Variants in MYBL2 observed in about 807,000 individuals in gnomAD.
MYBL2 encodes myb-related protein B.
A neutral mutation model predicts 79.9 loss-of-function variants in MYBL2; 28 were observed. The observed-to-expected ratio is 0.35, with a 90% CI of 0.26 to 0.48. MYBL2 has a LOEUF of 0.48. Ranked by LOEUF, MYBL2 falls within the 20% of genes least tolerant of loss-of-function variation. The pLI is 0.99. For missense variants in MYBL2, 735 were observed against 893.9 expected (o/e 0.82, Z 2.27); for synonymous variants, 378 against 361.2 (o/e 1.05, Z -0.53).
rs202064283 is a variant in MYBL2 at position 43,702,937 on chromosome 20, C to G, written c.1365+34C>G. 9.0e-6 allele frequency: 14 copies of G among 1,558,628 alleles called. No homozygotes were observed. The East Asian group carries it at 3.2e-4, about 35-fold the overall frequency. Reference sequence around the variant, plus strand: ...ACCCCACTCTGGCTGCTTATTGGGTCGGTACAGACACCTAGTGTTCAGTGC... The same window carrying G: ...ACCCCACTCTGGCTGCTTATTGGGTGGGTACAGACACCTAGTGTTCAGTGC... On this transcript the variant is annotated intron_variant, in intron 8 of 13. Coordinates refer to ENST00000217026, the MANE Select transcript of MYBL2 (RefSeq NM_002466.4).
chr20:43,692,330 T>C lies in MYBL2; in HGVS notation c.663+11T>C, dbSNP rs1987432851. 1 of 1,613,682 alleles carries C rather than the reference T, an allele frequency of 6.2e-7. No individual in the cohort carries two copies. Among genetic ancestry groups the C allele is most frequent in the South Asian group, 1.1e-5 (1 of 91,054 alleles). On this transcript the variant is annotated intron_variant, in intron 6 of 13. Transcript: ENST00000217026. The stretch of plus-strand genomic sequence containing the variant: ...CCCACGGAAGGCCAGGTGAGACAGC[T>C]GCTCAGCCTTTGGCTTGGTTTGATT...
intron 4 of MYBL2, among the ~76,000 whole-genome samples, chr20:43,684,496 A>G (rs534845627): frequency 7.0e-4 from 106 of 150,650 alleles, no homozygotes; most frequent in African/African-American, 2.5e-3. Context: ...CAGCCTCCCA[A>G]AGTGCTGGGA....
At chr20:43,705,119 G>T (rs1600562248) in intron 8 of MYBL2, 100 bp from the exon 9 acceptor site, 2 of 1,449,560 alleles carry the variant, frequency 1.4e-6, no homozygotes, top group East Asian at 2.3e-5. Context: ...CAGACGTTTT[G>T]GGGGAGAGGC....
chr20:43,692,360 A>T, intron 6 of MYBL2, 41 bp downstream of exon 6: 1 of 1,610,338 alleles, frequency 6.2e-7, no homozygotes, highest in Non-Finnish European at 8.5e-7. Context: ...TTGATTTCAC[A>T]TTCATCTGAC....
At chr20:43,705,619 C>G in intron 9 of MYBL2, among the ~76,000 whole-genome samples, 1 of 152,128 alleles carries the variant, frequency 6.6e-6, no homozygotes, top group South Asian at 2.1e-4. Context: ...GCCTCAGCCT[C>G]CTGAGTAGCT....
chr20:43,713,204 C>T (rs1600567790), intron 12 of MYBL2, 98 bp downstream of exon 12: 3 of 768,466 alleles, frequency 3.9e-6, no homozygotes, highest in Non-Finnish European at 6.3e-6. Flanking sequence ...GAACCCTGGG[C>T]TCTGCAGGGA....
At chr20:43,690,407 T>C (rs1449069166) in intron 5 of MYBL2, among the ~76,000 whole-genome samples, 1 of 152,090 alleles carries the variant, frequency 6.6e-6, no homozygotes, top group African/African-American at 2.4e-5. Context: ...GATTTCACCA[T>C]GTTGGCCAGG....
chr20:43,681,741 T>C (rs1228769256), intron 2 of MYBL2, 43 bp from the exon 3 acceptor site: 2 of 1,605,340 alleles, frequency 1.2e-6, no homozygotes, highest in African/African-American at 2.7e-5. Context: ...TGAGGTTTTC[T>C]GCACGTATGT....
At chr20:43,667,326 G>C in intron 1 of MYBL2, 23 bp downstream of exon 1, 1 of 1,228,846 alleles carries the variant, frequency 8.1e-7, no homozygotes. Flanking sequence ...GGGAGGGCTT[G>C]GGCCCCTCCC....
At chr20:43,680,900 A>G (rs1025543857) in intron 2 of MYBL2, among the ~76,000 whole-genome samples, 2 of 152,212 alleles carry the variant, frequency 1.3e-5, no homozygotes, top group Admixed American at 6.6e-5. Context: ...CAGCCGGGCT[A>G]TAGGACATTT....
chr20:43,705,762 G>A (rs757954458), intron 9 of MYBL2, among the ~76,000 whole-genome samples: 10 of 151,034 alleles, frequency 6.6e-5, no homozygotes, highest in East Asian at 1.9e-4. Context: ...GTGCAATGGC[G>A]CGATCTTGGC....
chr20:43,687,145 C>A, intron 5 of MYBL2, 73 bp downstream of exon 5: 1 of 1,483,400 alleles, frequency 6.7e-7, no homozygotes. Context: ...AGGAGGGTTC[C>A]TGGGTGGGTA....
At chr20:43,693,578 C>G (rs1481978473) in intron 6 of MYBL2, among the ~76,000 whole-genome samples, 1 of 152,054 alleles carries the variant, frequency 6.6e-6, no homozygotes. Context: ...TTCAAATGAT[C>G]CACCCACCTG....
At chr20:43,673,324 C>G (rs1986912316) in intron 1 of MYBL2, among the ~76,000 whole-genome samples, 2 of 151,374 alleles carry the variant, frequency 1.3e-5, no homozygotes, top group African/African-American at 2.4e-5. Flanking sequence ...GCTCTTAACC[C>G]TATTTCATTA....
In MYBL2 at chr20:43,701,437, A is replaced by G. The variant is rs1046810990; in HGVS notation, c.952-1053A>G. ...TAGTGTCTGGGTCCACTCAGAAGCCAGAACCCAAAGACCAAAGTGGAAGCC... is the reference window on the plus strand; with the variant it reads ...TAGTGTCTGGGTCCACTCAGAAGCCGGAACCCAAAGACCAAAGTGGAAGCC... On this transcript the variant is annotated intron_variant, in intron 7 of 13. Transcript: ENST00000217026. Among the ~76,000 whole-genome samples, 6 of 152,328 alleles carry G rather than the reference A, an allele frequency of 3.9e-5. No individual in the cohort carries two copies. In the South Asian group the frequency reaches 1.2e-3, roughly 32 times the overall value.
At chr20:43,681,985 A>C in intron 3 of MYBL2, 130 bp downstream of exon 3, 1 of 889,386 alleles carries the variant, frequency 1.1e-6, no homozygotes, top group Non-Finnish European at 1.8e-6. Context: ...AACCAAATAA[A>C]ACAGGGCAAA....
chr20:43,671,881 GTT>G (rs979613123), intron 1 of MYBL2, among the ~76,000 whole-genome samples: 1 of 144,602 alleles, frequency 6.9e-6, no homozygotes, highest in African/African-American at 2.5e-5. Flanking sequence ...AGCTCGTACT[GTT>G]TTTTTTTTTT....
At position 43,716,050 on chromosome 20, in the gene MYBL2, AG is replaced by A; in HGVS notation, c.2067del (p.Lys689AsnfsTer35). ...GCCCGGCAGCTCCTGGGCCGCCTGA[AG>A]CCCAGCCACACATCTCGGACCCTCA... ...EKARQLLGRL[K>X]PSHTSRTLIL... On this transcript the variant is annotated frameshift_variant, in exon 14 of 14. Coordinates refer to ENST00000217026, the MANE Select transcript of MYBL2 (RefSeq NM_002466.4). LOFTEE classifies it high-confidence loss of function. 6.2e-7 allele frequency: 1 copy of A among 1,610,580 alleles called. No individual in the cohort carries two copies. The highest frequency in any genetic ancestry group is 8.5e-7 in the Non-Finnish European group (1 of 1,179,846).
intron 4 of MYBL2, among the ~76,000 whole-genome samples, chr20:43,684,925 T>A (rs1987233157): frequency 6.6e-6 from 1 of 150,794 alleles, no homozygotes; most frequent in Admixed American, 6.6e-5. Flanking sequence ...GGTGGGTGGA[T>A]CACCTGATGT....
Sources: allele counts gnomAD v4.1 joint callset (sites outside exome capture counted in the v4.1 genomes callset), GRCh38; gene constraint gnomAD v4.1.1; transcripts MANE v1.5; gene names NCBI Gene and HGNC (gene_info 2026-07-23, HGNC 2026-07-21).